Variants in POT1 observed in about 807,000 individuals in gnomAD.
The protein encoded by POT1 is protection of telomeres 1, also known as protection of telomeres protein 1.
A neutral mutation model predicts 78.5 loss-of-function variants in POT1; 47 were observed. The observed-to-expected ratio is 0.60, with a 90% CI of 0.47 to 0.76. The LOEUF (loss-of-function observed/expected upper bound fraction) is 0.76. Ranked by LOEUF, POT1 falls within the 30% of genes least tolerant of loss-of-function variation. The pLI, the probability that POT1 is intolerant of heterozygous loss-of-function variation, is 0.00. For synonymous variants in POT1, 259 were observed against 260.7 expected (o/e 0.99, Z 0.06); for missense variants, 646 against 749.9 (o/e 0.86, Z 1.62).
rs1796053929 is a variant in POT1 at position 124,878,930 on chromosome 7, C to T, written c.125-7889G>A. Among the ~76,000 whole-genome samples the T allele has an allele frequency of 1.3e-5, 2 of 151,410 alleles. 1 individual carries two copies. ...ACAGAAGACTAGAGAAGAAAGTAAA[C>T]AACAACACTGAATAAAGTTGACGAA... On this transcript the variant is annotated intron_variant, in intron 6 of 18. Coordinates refer to ENST00000357628, the MANE Select transcript of POT1 (RefSeq NM_015450.3).
At chr7:124,873,132 G>A (rs1795910095) in intron 6 of POT1, among the ~76,000 whole-genome samples, 1 of 152,044 alleles carries the variant, frequency 6.6e-6, no homozygotes, top group Admixed American at 6.6e-5. Context: ...TGTTAATGTT[G>A]GCTGTGCAGA....
Position 124,823,774 on chromosome 7 carries a change from CA to C in POT1, c.*187del. 1 of 538,036 alleles carries C rather than the reference CA, an allele frequency of 1.9e-6. No homozygotes were observed. The highest frequency in any genetic ancestry group is 3.3e-6 in the Non-Finnish European group (1 of 307,606). 33.3% of individuals were successfully genotyped at this position (538,036 alleles called of 1,614,324 possible). A position where few individuals can be genotyped will look rare whatever the true frequency, so the allele number is the denominator to read the frequency against. ...TACAAAAGCAAAACAGAAAGCAAAA[CA>C]AAATCCATAGCCATTATTTACCTTG... is the stretch of plus-strand genomic sequence containing the variant. On this transcript the variant is annotated 3_prime_UTR_variant, in exon 19 of 19. Coordinates refer to ENST00000357628, the MANE Select transcript of POT1 (RefSeq NM_015450.3).
chr7:124,888,132 T>A (rs1166277513), intron 6 of POT1, among the ~76,000 whole-genome samples: 1 of 152,240 alleles, frequency 6.6e-6, no homozygotes, highest in Middle Eastern at 3.4e-3. Context: ...TTAATCCACA[T>A]TGAATTGATT....
intron 3 of POT1, among the ~76,000 whole-genome samples, chr7:124,901,184 T>C (rs1796609982): frequency 6.6e-6 from 1 of 152,076 alleles, no homozygotes; most frequent in South Asian, 2.1e-4. Context: ...GATCTGAAAA[T>C]GGACAGATTG....
intron 11 of POT1, among the ~76,000 whole-genome samples, chr7:124,847,563 T>C (rs575442949): frequency 1.3e-5 from 2 of 152,192 alleles, no homozygotes; most frequent in Non-Finnish European, 1.5e-5. Context: ...CTATCACTTA[T>C]GTGGAAGTGC....
intron 11 of POT1, among the ~76,000 whole-genome samples, chr7:124,850,437 T>C (rs1345536883): frequency 6.6e-6 from 1 of 152,192 alleles, no homozygotes; most frequent in Non-Finnish European, 1.5e-5. Flanking sequence ...TAGAATTAAA[T>C]AATAATGCGG....
rs1794526388 is a variant in POT1 at position 124,822,437 on chromosome 7, T to C, written c.*1525A>G. On this transcript the variant is annotated 3_prime_UTR_variant, in exon 19 of 19. Coordinates refer to ENST00000357628, the MANE Select transcript of POT1 (RefSeq NM_015450.3). ...AACAAAAATAAGAAGAGACATGGCC[T>C]ATCATCATGAAGATTCATAGGAAGA... 2.8e-6 allele frequency: 1 copy of C among 362,592 alleles called. No homozygotes were observed. Among genetic ancestry groups the C allele is most frequent in the South Asian group, 2.0e-5 (1 of 48,834 alleles). The allele number at this position is 362,592 out of a possible 1,614,324, so 22.5% of individuals were successfully genotyped here.
At chr7:124,848,667 G>GAAAA (rs11322299) in intron 11 of POT1, 5 of 109,972 alleles carry the variant, frequency 4.5e-5, no homozygotes, top group South Asian at 2.0e-4. Context: ...CATCTCAAAA[G>GAAAA]AAAAAAAAAA....
At chr7:124,828,862 C>T in intron 16 of POT1, 3 of 526,884 alleles carry the variant, frequency 5.7e-6, no homozygotes, top group South Asian at 4.2e-5. Flanking sequence ...TATACAATGA[C>T]ATTTCAGGCT....
chr7:124,892,841 T>A (rs1234690457), intron 5 of POT1: 1 of 151,498 alleles, frequency 6.6e-6, no homozygotes, highest in Non-Finnish European at 1.5e-5. Context: ...GCAATACATG[T>A]CAAAACTGAA....
chr7:124,900,753 G>A (rs551211008), intron 3 of POT1: 12 of 271,428 alleles, frequency 4.4e-5, no homozygotes, highest in South Asian at 4.0e-4. Context: ...CCTAGCCAAG[G>A]GAAGCCATGA....
At chr7:124,898,958 C>A (rs1444230052) in intron 3 of POT1, among the ~76,000 whole-genome samples, 1 of 152,144 alleles carries the variant, frequency 6.6e-6, no homozygotes, top group East Asian at 1.9e-4. Flanking sequence ...AATACTAAAA[C>A]AGAAATACTA....
chr7:124,829,780 A>T (rs1794718537), intron 15 of POT1, among the ~76,000 whole-genome samples: 1 of 152,012 alleles, frequency 6.6e-6, no homozygotes, highest in South Asian at 2.1e-4. Flanking sequence ...AGGCACTGTC[A>T]CCTCTGCCTC....
At chr7:124,911,654 C>T (rs1235489662) in intron 3 of POT1, among the ~76,000 whole-genome samples, 3 of 152,066 alleles carry the variant, frequency 2.0e-5, no homozygotes. Context: ...CACTGATTTT[C>T]CTTTTCTTTG....
chr7:124,873,301 G>T (rs9655845), intron 6 of POT1, among the ~76,000 whole-genome samples: 1 of 151,882 alleles, frequency 6.6e-6, no homozygotes, highest in Non-Finnish European at 1.5e-5. Context: ...GAATAGAGTG[G>T]GCATCTGTCT....
intron 6 of POT1, among the ~76,000 whole-genome samples, chr7:124,889,874 C>A (rs1339235302): frequency 6.6e-6 from 1 of 151,926 alleles, no homozygotes; most frequent in Non-Finnish European, 1.5e-5. Flanking sequence ...CACAAGAGCT[C>A]TGATGGAGAT....
rs1794566185 is a variant in POT1, at chr7:124,823,869, A to G, written c.*93T>C. 4 of 787,934 alleles carry G rather than the reference A, an allele frequency of 5.1e-6. No homozygotes were observed. The highest frequency in any genetic ancestry group is 4.4e-5 in the Admixed American group (2 of 45,122). The allele number at this position is 787,934 out of a possible 1,614,324, so 48.8% of individuals were successfully genotyped here. On this transcript the variant is annotated 3_prime_UTR_variant, in exon 19 of 19. Coordinates refer to ENST00000357628, the MANE Select transcript of POT1 (RefSeq NM_015450.3). ...ATCCCATACCCATGCTAACATCATC[A>G]ACATTGCTGATACAAAACTCAGGTC... is the stretch of plus-strand genomic sequence containing the variant.
At chr7:124,868,983 G>A (rs1167830507) in intron 7 of POT1, among the ~76,000 whole-genome samples, 1 of 151,740 alleles carries the variant, frequency 6.6e-6, no homozygotes, top group African/African-American at 2.4e-5. Flanking sequence ...AAAAACTGCT[G>A]GATACAACTA....
Position 124,823,920 on chromosome 7 carries a change from G to A in POT1, c.*42C>T, listed in dbSNP as rs1794567463. ...AGGAAAAGAAGCTCAAACAGGGAAG[G>A]TGAGTGGCAACATTTTATGTATGCT... is the stretch of plus-strand genomic sequence containing the variant. On this transcript the variant is annotated 3_prime_UTR_variant, in exon 19 of 19. Coordinates refer to ENST00000357628, the MANE Select transcript of POT1 (RefSeq NM_015450.3). 2 of 1,280,518 alleles carry A rather than the reference G, an allele frequency of 1.6e-6. No individual in the cohort carries two copies. Among genetic ancestry groups the A allele is most frequent in the Admixed American group, 1.8e-5 (1 of 55,876 alleles). 79.3% of individuals were successfully genotyped at this position (1,280,518 alleles called of 1,614,324 possible).
Sources: allele counts gnomAD v4.1 joint callset (sites outside exome capture counted in the v4.1 genomes callset), GRCh38; gene constraint gnomAD v4.1.1; transcripts MANE v1.5; gene names NCBI Gene and HGNC (gene_info 2026-07-23, HGNC 2026-07-21).